DOK5: variants seen among roughly 807,000 people sequenced by gnomAD.
DOK5 encodes the protein downstream of tyrosine kinase 5.
DOK5 carries 27 observed loss-of-function variants against 43.3 expected under a neutral mutation model. The observed-to-expected ratio is 0.62, with a 90% CI of 0.46 to 0.86. DOK5 has a LOEUF of 0.86. Among genes scored for constraint, DOK5 ranks in the 40% least tolerant of loss-of-function variants. The pLI is 0.00. For missense variants in DOK5, 373 were observed against 392.9 expected, an observed-to-expected ratio of 0.95 and a Z score of 0.43; for synonymous variants, 146 against 140.1, an observed-to-expected ratio of 1.04 and a Z score of -0.30.
intron 1 of DOK5, among the ~76,000 whole-genome samples, chr20:54,493,643 G>A (rs968501365): frequency 6.6e-6 from 1 of 152,168 alleles, no homozygotes; most frequent in Non-Finnish European, 1.5e-5. Flanking sequence ...GGACAACACA[G>A]ATATTTTTCT....
chr20:54,582,816 C>G (rs1035026163), intron 2 of DOK5, among the ~76,000 whole-genome samples: 2 of 151,806 alleles, frequency 1.3e-5, no homozygotes, highest in African/African-American at 4.8e-5. Flanking sequence ...TTTCAAAAAC[C>G]AATTCTTGGT....
intron 6 of DOK5, among the ~76,000 whole-genome samples, 181 bp from the exon 7 acceptor site, chr20:54,643,277 A>G (rs1979212611): frequency 6.6e-6 from 1 of 152,208 alleles, no homozygotes; most frequent in South Asian, 2.1e-4. Flanking sequence ...TAAAGAATGG[A>G]TGGTGCTAAG....
chr20:54,517,740 C>G (rs6098042), intron 1 of DOK5, among the ~76,000 whole-genome samples: 1 of 152,008 alleles, frequency 6.6e-6, no homozygotes, highest in Non-Finnish European at 1.5e-5. Flanking sequence ...GAGATGGGGC[C>G]TTTGGGAGGT....
chr20:54,596,445 C>A (rs1986144873), intron 5 of DOK5, among the ~76,000 whole-genome samples: 1 of 152,210 alleles, frequency 6.6e-6, no homozygotes, highest in South Asian at 2.1e-4. Context: ...TCTCTTAGAA[C>A]TAGAACTGAG....
chr20:54,515,862 G>T (rs988721546), intron 1 of DOK5, among the ~76,000 whole-genome samples: 1 of 152,194 alleles, frequency 6.6e-6, no homozygotes, highest in African/African-American at 2.4e-5. Context: ...CCATCAGCCG[G>T]TTTTGCCAGG....
chr20:54,620,938 A>G (rs1568815427), intron 6 of DOK5, among the ~76,000 whole-genome samples: 1 of 152,236 alleles, frequency 6.6e-6, no homozygotes, highest in Non-Finnish European at 1.5e-5. Context: ...TTAAGTGTCC[A>G]CCACAAGGGG....
At chr20:54,477,445 G>T (rs1037126965) in intron 1 of DOK5, among the ~76,000 whole-genome samples, 7 of 152,162 alleles carry the variant, frequency 4.6e-5, no homozygotes, top group African/African-American at 1.7e-4. Flanking sequence ...AAATGTAACA[G>T]AATTCACCAT....
intron 2 of DOK5, among the ~76,000 whole-genome samples, chr20:54,584,674 GTA>G (rs1985746730): frequency 6.8e-6 from 1 of 148,088 alleles, no homozygotes; most frequent in Non-Finnish European, 1.5e-5. Context: ...ATATATATTT[GTA>G]TGTGTGTGTA....
chr20:54,650,267 A>G (rs6068930), intron 7 of DOK5, 148 bp from the exon 8 acceptor site: 43,743 of 663,364 alleles, frequency 0.066, 2,322 homozygotes, highest in African/African-American at 0.2. Context: ...TCTGTGACTC[A>G]TTTACATATC....
chr20:54,643,765 A>G (rs1979241101), intron 7 of DOK5, among the ~76,000 whole-genome samples, 187 bp downstream of exon 7: 1 of 152,214 alleles, frequency 6.6e-6, no homozygotes, highest in Non-Finnish European at 1.5e-5. Context: ...GTATGGCTCT[A>G]GAGATATTTG....
intron 1 of DOK5, among the ~76,000 whole-genome samples, chr20:54,520,581 C>A (rs1983359615): frequency 6.6e-6 from 1 of 151,992 alleles, no homozygotes; most frequent in Admixed American, 6.6e-5. Flanking sequence ...GAGTTTAAGA[C>A]CACTCTGGGC....
At chr20:54,522,720 G>A (rs1048082904) in intron 1 of DOK5, among the ~76,000 whole-genome samples, 1 of 151,690 alleles carries the variant, frequency 6.6e-6, no homozygotes, top group Non-Finnish European at 1.5e-5. Flanking sequence ...TCACCATGTC[G>A]GCCAGGCTGG....
chr20:54,485,655 C>T (rs1981904026), intron 1 of DOK5, among the ~76,000 whole-genome samples: 1 of 152,150 alleles, frequency 6.6e-6, no homozygotes, highest in African/African-American at 2.4e-5. Context: ...CATACGTTTT[C>T]GTGCCTCTAG....
chr20:54,560,813 G>A (rs1379050969), intron 2 of DOK5, among the ~76,000 whole-genome samples: 1 of 152,046 alleles, frequency 6.6e-6, no homozygotes, highest in Non-Finnish European at 1.5e-5. Context: ...GTAGAGACGG[G>A]GTTTCACCAG....
At chr20:54,609,583 T>C (rs958102617) in intron 5 of DOK5, among the ~76,000 whole-genome samples, 9 of 151,194 alleles carry the variant, frequency 6.0e-5, no homozygotes, top group African/African-American at 2.0e-4. Context: ...CTAAAATATA[T>C]AGAGAGCATA....
At chr20:54,537,778 A>G (rs1984007367) in intron 1 of DOK5, among the ~76,000 whole-genome samples, 1 of 150,162 alleles carries the variant, frequency 6.7e-6, no homozygotes, top group South Asian at 2.1e-4. Flanking sequence ...CTCATCTACC[A>G]TTGCTGACAG....
At chr20:54,521,306 G>T (rs1983386063) in intron 1 of DOK5, among the ~76,000 whole-genome samples, 1 of 152,064 alleles carries the variant, frequency 6.6e-6, no homozygotes, top group Non-Finnish European at 1.5e-5. Flanking sequence ...CCTGGAGCTT[G>T]TAGAGATCCC....
At chr20:54,604,085 T>A (rs147489494) in intron 5 of DOK5, among the ~76,000 whole-genome samples, 8,893 of 151,528 alleles carry the variant, frequency 0.059, 897 homozygotes, top group African/African-American at 0.21. Context: ...TAGCTGAGAC[T>A]ACAGGCGCCC....
chr20:54,580,237 C>T (rs1465895956), intron 2 of DOK5, among the ~76,000 whole-genome samples: 1 of 152,128 alleles, frequency 6.6e-6, no homozygotes, highest in East Asian at 1.9e-4. Context: ...TTTTCTTTAT[C>T]CATTTATCTG....
Sources: gnomAD v4.1 joint callset for allele counts (sites outside exome capture counted in the v4.1 genomes callset) on GRCh38, gnomAD v4.1.1 for gene constraint, MANE v1.5 for transcripts, NCBI Gene and HGNC (gene_info 2026-07-23, HGNC 2026-07-21) for gene names.